The following ZSCAN25 variants were observed in gnomAD, a reference collection of about 807,000 sequenced individuals.
ZSCAN25 encodes the protein zinc finger and SCAN domain-containing protein 25.
ZSCAN25 carries 27 observed loss-of-function variants against 38.7 expected under a neutral mutation model. The observed-to-expected ratio is 0.70, with a 90% CI of 0.51 to 0.96. The LOEUF is 0.96. Among genes scored for constraint, ZSCAN25 ranks in the 40% least tolerant of loss-of-function variants. ZSCAN25 has a pLI of 0.00. For synonymous variants in ZSCAN25, 273 were observed against 277.7 expected, an observed-to-expected ratio of 0.98 and a Z score of 0.17; for missense variants, 637 against 705.9, an observed-to-expected ratio of 0.90 and a Z score of 1.11.
At chr7:99,730,059 T>C in the ZSCAN25 span, among the ~76,000 whole-genome samples, 1,624 of 152,292 alleles carry the variant, frequency 0.011, 62 homozygotes, top group East Asian at 0.12. Context: ...CAGGTCAGAT[T>C]GTCTAAGCCA....
intron 2 of ZSCAN25, among the ~76,000 whole-genome samples, 196 bp from the exon 3 acceptor site, chr7:99,618,852 C>T (rs1806688764): frequency 6.6e-6 from 1 of 152,204 alleles, no homozygotes; most frequent in Admixed American, 6.5e-5. Context: ...CTCGTCACTG[C>T]TGAAGCCACA....
the ZSCAN25 span, among the ~76,000 whole-genome samples, chr7:99,721,564 A>C: frequency 6.6e-6 from 1 of 152,234 alleles, no homozygotes; most frequent in Non-Finnish European, 1.5e-5. Context: ...ACAGAACGTG[A>C]TGCTGGGAGT....
chr7:99,631,316 G>C lies in ZSCAN25; in HGVS notation c.*1296G>C. 1.0e-6 allele frequency: 1 copy of C among 985,240 alleles called. No homozygotes were observed. The highest frequency in any genetic ancestry group is 1.2e-6 in the Non-Finnish European group (1 of 829,876). 61.0% of individuals were successfully genotyped at this position (985,240 alleles called of 1,614,324 possible). ...GCTGGTAGCGACCTGTTTTGCATGAGTGCCAAGTCAGGAAAAATAAAGATA... is the reference window on the plus strand; with the variant it reads ...GCTGGTAGCGACCTGTTTTGCATGACTGCCAAGTCAGGAAAAATAAAGATA... On this transcript the variant is annotated 3_prime_UTR_variant, in exon 8 of 8. Coordinates refer to ENST00000394152, the MANE Select transcript of ZSCAN25 (RefSeq NM_145115.3).
At chr7:99,624,265 G>A (rs1436426605) in intron 7 of ZSCAN25, 85 bp downstream of exon 7, 10 of 1,577,684 alleles carry the variant, frequency 6.3e-6, no homozygotes, top group Non-Finnish European at 8.7e-6. Flanking sequence ...TGGCGCTCCT[G>A]GCAAAGGAAG....
downstream of ZSCAN25, among the ~76,000 whole-genome samples, chr7:99,632,712 C>G (rs531496974): frequency 2.0e-5 from 3 of 152,268 alleles, no homozygotes; most frequent in Non-Finnish European, 4.4e-5. Context: ...ATCACTTGAC[C>G]CCAAGAGGTT....
the ZSCAN25 span, among the ~76,000 whole-genome samples, chr7:99,694,137 C>T: frequency 6.6e-6 from 1 of 152,178 alleles, no homozygotes; most frequent in East Asian, 1.9e-4. Flanking sequence ...TCTCTAAAAT[C>T]TCATAAATCC....
At chr7:99,666,983 G>A in the ZSCAN25 span, 1 of 1,614,030 alleles carries the variant, frequency 6.2e-7, no homozygotes, top group Non-Finnish European at 8.5e-7. Flanking sequence ...GAAGGTTGGA[G>A]ACAGCAATGA....
At chr7:99,674,662 A>T in the ZSCAN25 span, 1 of 1,252,870 alleles carries the variant, frequency 8.0e-7, no homozygotes, top group Admixed American at 1.9e-5. Context: ...GGCTGAAAAC[A>T]GTTGCGTCCA....
the ZSCAN25 span, among the ~76,000 whole-genome samples, chr7:99,646,827 CACACACACACAT>C: frequency 6.6e-6 from 1 of 151,908 alleles, no homozygotes; most frequent in African/African-American, 2.4e-5. Flanking sequence ...CACACACACA[CACACACACACAT>C]GCATGCTCAC....
the ZSCAN25 span, chr7:99,676,411 A>G: frequency 3.3e-5 from 49 of 1,498,894 alleles, 1 homozygote; most frequent in Non-Finnish European, 4.3e-5. Context: ...AGTCTCAATG[A>G]TTAGCTGAAA....
the ZSCAN25 span, among the ~76,000 whole-genome samples, chr7:99,650,454 G>C: frequency 6.6e-6 from 1 of 152,124 alleles, no homozygotes; most frequent in Non-Finnish European, 1.5e-5. Context: ...AGCGTTTCTT[G>C]AGATGAGATG....
In ZSCAN25 at chr7:99,629,733, C is replaced by T. The variant is rs554988594; in HGVS notation, c.1348C>T (p.Arg450Trp). ...CCGCAGGCAGCACCTGCAGGTGCACCGGAGGACGCACACCGGGGAGAAGCC... is the reference window on the plus strand; with the variant it reads ...CCGCAGGCAGCACCTGCAGGTGCACTGGAGGACGCACACCGGGGAGAAGCC... ...FSRRQHLQVH[R>W]RTHTGEKPYT... The change falls in exon 8 of 8, where the codon CGG (arginine) becomes TGG (tryptophan). Residue 450 changes from arginine (R) to tryptophan (W), a missense_variant. Physicochemically the swap from Arg to Trp is moderately radical, Grantham distance 101. Transcript: ENST00000394152. This position sits in a 1 kb window ranked among gnomAD's most constrained non-coding sequence, Gnocchi z 5.6. 1.4e-5 allele frequency: 23 copies of T among 1,614,098 alleles called. No homozygotes were observed. The highest frequency in any genetic ancestry group is 2.2e-5 in the East Asian group (1 of 44,880).
At chr7:99,718,110 T>C in the ZSCAN25 span, among the ~76,000 whole-genome samples, 22 of 151,576 alleles carry the variant, frequency 1.5e-4, no homozygotes, top group African/African-American at 5.3e-4. Context: ...CATCACACAC[T>C]GGGGCCTGTT....
chr7:99,718,084 G>A, the ZSCAN25 span, among the ~76,000 whole-genome samples: 1 of 152,092 alleles, frequency 6.6e-6, no homozygotes, highest in African/African-American at 2.4e-5. Context: ...AGAACACATG[G>A]ACACAGGAAG....
chr7:99,715,270 C>A, the ZSCAN25 span: 1 of 178,066 alleles, frequency 5.6e-6, no homozygotes, highest in South Asian at 1.2e-4. Context: ...AACAAGTGCC[C>A]AGAGGGAAAT....
chr7:99,735,506 G>A, the ZSCAN25 span, among the ~76,000 whole-genome samples: 1 of 152,070 alleles, frequency 6.6e-6, no homozygotes, highest in South Asian at 2.1e-4. Flanking sequence ...CCTCATTCCA[G>A]AATACTTGAA....
the ZSCAN25 span, among the ~76,000 whole-genome samples, chr7:99,698,030 A>G: frequency 2.6e-4 from 39 of 152,178 alleles, 1 homozygote; most frequent in South Asian, 8.1e-3. Flanking sequence ...GTTCCATGTC[A>G]AGGCAGAGGC....
the ZSCAN25 span, among the ~76,000 whole-genome samples, chr7:99,673,508 A>G: frequency 2.6e-5 from 4 of 152,242 alleles, no homozygotes. Flanking sequence ...AAATATTTGT[A>G]TATCCTTCTA....
the ZSCAN25 span, among the ~76,000 whole-genome samples, chr7:99,719,644 C>G: frequency 1.4e-4 from 21 of 152,090 alleles, no homozygotes; most frequent in African/African-American, 4.8e-4. Context: ...AAAAGTTTTC[C>G]CTGATAAAGA....
Sources: allele counts gnomAD v4.1 joint callset (sites outside exome capture counted in the v4.1 genomes callset), GRCh38; gene constraint gnomAD v4.1.1; non-coding constraint Gnocchi (gnomAD v3.1); transcripts MANE v1.5; gene names NCBI Gene and HGNC (gene_info 2026-07-23, HGNC 2026-07-21).